The following STK3 variants were observed in gnomAD, a reference collection of about 807,000 sequenced individuals.
STK3 encodes serine/threonine kinase 3.
Under a neutral mutation model 58.0 loss-of-function variants are expected in STK3, and 41 were observed. The observed-to-expected ratio is 0.71, with a 90% CI of 0.55 to 0.92. STK3 has a LOEUF of 0.92. Among genes scored for constraint, STK3 ranks in the 40% least tolerant of loss-of-function variants. The probability of loss-of-function intolerance (pLI) is 0.00; values close to 1 mark genes in which losing one functional copy is unlikely to be tolerated. For missense variants in STK3, 479 were observed against 602.7 expected (o/e 0.79, Z 2.15); for synonymous variants, 170 against 191.0 (o/e 0.89, Z 0.91).
At chr8:98,719,917 C>A (rs554334189) in intron 4 of STK3, among the ~76,000 whole-genome samples, 1 of 152,334 alleles carries the variant, frequency 6.6e-6, no homozygotes, top group African/African-American at 2.4e-5. Context: ...CCTTTGGTAA[C>A]AAATCCCTCC....
chr8:98,473,905 T>C (rs1041061681), intron 10 of STK3, among the ~76,000 whole-genome samples: 1 of 152,192 alleles, frequency 6.6e-6, no homozygotes, highest in Non-Finnish European at 1.5e-5. Flanking sequence ...ACCATCTATC[T>C]GATAGTATCT....
chr8:98,456,950 G>A (rs77363069), intron 10 of STK3, among the ~76,000 whole-genome samples: 238 of 152,240 alleles, frequency 1.6e-3, no homozygotes, highest in Non-Finnish European at 2.4e-3. Flanking sequence ...AGACTCTGAG[G>A]ATACTGAAAA....
intron 3 of STK3, among the ~76,000 whole-genome samples, chr8:98,866,191 T>C (rs1215858163): frequency 1.3e-5 from 2 of 152,240 alleles, no homozygotes; most frequent in African/African-American, 4.8e-5. Flanking sequence ...GTTTTTGAAT[T>C]CCACCTATTT....
chr8:98,535,253 T>C (rs1809658818), intron 9 of STK3, among the ~76,000 whole-genome samples: 1 of 152,176 alleles, frequency 6.6e-6, no homozygotes, highest in Admixed American at 6.6e-5. Flanking sequence ...CACTGAAGCG[T>C]ATTTCTAGAT....
intron 6 of STK3, among the ~76,000 whole-genome samples, chr8:98,617,613 A>C (rs1203457801): frequency 6.6e-6 from 1 of 152,180 alleles, no homozygotes; most frequent in Non-Finnish European, 1.5e-5. Flanking sequence ...CGACACAATA[A>C]AAAATGATAA....
At chr8:98,667,542 CTGAT>C (rs1221127772) in intron 6 of STK3, among the ~76,000 whole-genome samples, 6 of 152,032 alleles carry the variant, frequency 3.9e-5, no homozygotes, top group African/African-American at 1.4e-4. Context: ...CAAATTTTGA[CTGAT>C]TGGCAACACT....
intron 10 of STK3, among the ~76,000 whole-genome samples, chr8:98,511,035 TTAAA>T (rs1353469533): frequency 6.6e-6 from 1 of 152,068 alleles, no homozygotes; most frequent in Non-Finnish European, 1.5e-5. Flanking sequence ...AATTAGAACA[TTAAA>T]TATTAATTTA....
rs180822128 is a variant in STK3 at position 98,865,641 on chromosome 8, T to C, written c.110+18006A>G. On this transcript the variant is annotated intron_variant, in intron 3 of 12. Coordinates refer to the STK3 transcript ENST00000523601. ...CTAGGATTATAGGCATGAGACACCA[T>C]GTCCAGCCTAGTTTGCTATTTTTAA... Among the ~76,000 whole-genome samples, 19 of 152,332 alleles carry C rather than the reference T, an allele frequency of 1.2e-4. No homozygotes were observed. The East Asian group carries it at 1.9e-3, about 15-fold the overall frequency.
intron 4 of STK3, among the ~76,000 whole-genome samples, chr8:98,710,274 G>A (rs1377421822): frequency 6.6e-6 from 1 of 152,156 alleles, no homozygotes; most frequent in Non-Finnish European, 1.5e-5. Context: ...CATCTCACTG[G>A]GGAGTATCGG....
At chr8:98,925,679 G>A (rs1407538076) in intron 1 of STK3, among the ~76,000 whole-genome samples, 2 of 152,054 alleles carry the variant, frequency 1.3e-5, no homozygotes, top group Non-Finnish European at 2.9e-5. Context: ...ACCACTTTTT[G>A]ATTGCCCTTG....
chr8:98,472,767 TTTTAC>T (rs1821021913), intron 10 of STK3, among the ~76,000 whole-genome samples: 1 of 152,126 alleles, frequency 6.6e-6, no homozygotes, highest in Admixed American at 6.5e-5. Flanking sequence ...CAAAATAAAA[TTTTAC>T]TTTATTTTAT....
At chr8:98,846,647 G>C (rs927565893) in intron 3 of STK3, among the ~76,000 whole-genome samples, 1 of 151,924 alleles carries the variant, frequency 6.6e-6, no homozygotes, top group African/African-American at 2.4e-5. Flanking sequence ...CAAGAAGAAA[G>C]GTTTTTCCTC....
chr8:98,376,976 C>A (rs146854405), intron 2 of STK3, among the ~76,000 whole-genome samples: 223 of 152,306 alleles, frequency 1.5e-3, no homozygotes, highest in African/African-American at 5.2e-3. Context: ...CTTTCTTTTG[C>A]CAGTCTCACC....
At position 98,781,726 on chromosome 8, in the gene STK3, C is replaced by T. The variant is rs140653459; in HGVS notation, c.27-6907G>A. The stretch of plus-strand genomic sequence containing the variant: ...CAACTTGCTTAACTGCCTACCAGAA[C>T]GAGTCTGTAACTTCTTAAGCAAAGC... On this transcript the variant is annotated intron_variant, in intron 1 of 10. Coordinates refer to ENST00000419617, the MANE Select transcript of STK3 (RefSeq NM_006281.4). Among the ~76,000 whole-genome samples, 423 of 152,026 alleles carry T rather than the reference C, an allele frequency of 2.8e-3. 4 individuals are homozygous for T. Among genetic ancestry groups the T allele is most frequent in the African/African-American group, 9.7e-3 (403 of 41,462 alleles).
intron 1 of STK3, among the ~76,000 whole-genome samples, chr8:98,387,539 G>A (rs1192118222): frequency 6.6e-5 from 10 of 152,120 alleles, no homozygotes; most frequent in African/African-American, 1.7e-4. Flanking sequence ...ACCTGAGGTC[G>A]GGAGTTGGAG....
chr8:98,918,867 T>A (rs966943789), intron 1 of STK3, among the ~76,000 whole-genome samples: 6 of 151,900 alleles, frequency 3.9e-5, no homozygotes, highest in Non-Finnish European at 5.9e-5. Context: ...CAGCAGAGAA[T>A]TTGACAATCA....
intron 1 of STK3, chr8:98,782,040 T>C (rs1346751165): frequency 4.7e-6 from 1 of 212,234 alleles, no homozygotes; most frequent in East Asian, 1.1e-4. Flanking sequence ...GCAGACGCTG[T>C]GAGTATTTTC....
At chr8:98,434,317 C>T (rs1818408905) in exon 3 of STK3, 1 of 152,310 alleles carries the variant, frequency 6.6e-6, no homozygotes, top group Non-Finnish European at 1.5e-5. Context: ...TAGCCACCAT[C>T]CCTGCAGCAA....
At chr8:98,514,893 A>AC (rs1824810197) in intron 10 of STK3, among the ~76,000 whole-genome samples, 1 of 152,002 alleles carries the variant, frequency 6.6e-6, no homozygotes, top group Non-Finnish European at 1.5e-5. Flanking sequence ...CTCCACACAC[A>AC]CCCAGTCTCT....
Sources: allele counts gnomAD v4.1 joint callset (sites outside exome capture counted in the v4.1 genomes callset), GRCh38; gene constraint gnomAD v4.1.1; transcripts MANE v1.5; gene names NCBI Gene and HGNC (gene_info 2026-07-23, HGNC 2026-07-21).